FECH: variants seen among roughly 807,000 people sequenced by gnomAD.
The protein encoded by FECH is ferrochelatase.
A neutral mutation model predicts 56.9 loss-of-function variants in FECH; 40 were observed. That is an observed-to-expected ratio of 0.70 (90% CI 0.55 to 0.92). The LOEUF (loss-of-function observed/expected upper bound fraction) is 0.92, where lower values mean the gene tolerates loss of function less well. FECH is among the 40% of genes least tolerant of loss of function. The pLI is 0.00. For synonymous variants in FECH, 175 were observed against 198.6 expected, an observed-to-expected ratio of 0.88 and a Z score of 1.00; for missense variants, 431 against 529.1, an observed-to-expected ratio of 0.81 and a Z score of 1.82.
intron 1 of FECH, among the ~76,000 whole-genome samples, chr18:57,582,637 G>A (rs2051299524): frequency 6.6e-6 from 1 of 151,920 alleles, no homozygotes; most frequent in Non-Finnish European, 1.5e-5. Context: ...AGAAAGGCCG[G>A]GCGCGGTGGT....
At chr18:57,577,081 A>G (rs71355629) in intron 2 of FECH, among the ~76,000 whole-genome samples, 11,100 of 152,292 alleles carry the variant, frequency 0.073, 608 homozygotes, top group Non-Finnish European at 0.12. Flanking sequence ...GTCAATTAAT[A>G]AACAATAATT....
intron 5 of FECH, 88 bp downstream of exon 5, chr18:57,566,359 A>G: frequency 6.5e-7 from 1 of 1,538,116 alleles, no homozygotes. Context: ...AATTGCAAAT[A>G]ATTCATCCTT....
rs2050715622 is a variant in FECH, at chr18:57,546,000, T to C, written c.*4712A>G. On this transcript the variant is annotated 3_prime_UTR_variant, in exon 11 of 11. Coordinates refer to ENST00000262093, the MANE Select transcript of FECH (RefSeq NM_000140.5). Reference sequence around the variant, plus strand: ...GATCCCCCACAGATACTAAAAGTTATCCACACTCAGGTCTCCATTTTGCTA... The same window carrying C: ...GATCCCCCACAGATACTAAAAGTTACCCACACTCAGGTCTCCATTTTGCTA... Among the ~76,000 whole-genome samples the C allele has an allele frequency of 6.6e-6, 1 of 152,206 alleles. No individual in the cohort carries two copies. Among genetic ancestry groups the C allele is most frequent in the Non-Finnish European group, 1.5e-5 (1 of 68,040 alleles).
At position 57,560,004 on chromosome 18, in the gene FECH, C is replaced by T. The variant is rs8087915; in HGVS notation, c.706-761G>A. ...GAAATACCAGAACTGAAGGGGCTTT[C>T]TTTCGTCTTATACTTTAATCATTCT... On this transcript the variant is annotated intron_variant, in intron 6 of 10. Coordinates refer to ENST00000262093, the MANE Select transcript of FECH (RefSeq NM_000140.5). Among the ~76,000 whole-genome samples the T allele has an allele frequency of 7.4e-3, 1,121 of 152,284 alleles. 8 individuals carry two copies. Among genetic ancestry groups the T allele is most frequent in the African/African-American group, 0.024 (1,006 of 41,558 alleles).
intron 6 of FECH, among the ~76,000 whole-genome samples, chr18:57,560,519 C>T (rs1416011176): frequency 1.3e-5 from 2 of 152,190 alleles, no homozygotes; most frequent in East Asian, 1.9e-4. Context: ...GGTGTGATGG[C>T]ACCTGCCTGT....
At chr18:57,572,745 A>G (rs1309927250) in intron 3 of FECH, among the ~76,000 whole-genome samples, 1 of 152,064 alleles carries the variant, frequency 6.6e-6, no homozygotes, top group East Asian at 1.9e-4. Context: ...CTTGCCTTTT[A>G]CTGTAATTAC....
chr18:57,572,706 A>G (rs1247776763), intron 3 of FECH, among the ~76,000 whole-genome samples: 1 of 151,352 alleles, frequency 6.6e-6, no homozygotes, highest in African/African-American at 2.4e-5. Flanking sequence ...CTCCAGGTGG[A>G]TAACTGGGAG....
chr18:57,554,956 C>A lies in FECH; in HGVS notation c.805-4G>T, dbSNP rs766832982. ...ATGGGTCGCCTCTGTTGACCACCTG[C>A]AGCAGAGACACAATGGGTGTTCAGC... On this transcript the variant is annotated splice_polypyrimidine_tract_variant and splice_region_variant and intron_variant, in intron 7 of 10. Transcript: ENST00000262093. 2 of 1,612,344 alleles carry A rather than the reference C, an allele frequency of 1.2e-6. No individual in the cohort carries two copies. The highest frequency in any genetic ancestry group is 2.2e-5 in the South Asian group (2 of 91,036).
At chr18:57,556,907 T>C (rs1827246004) in intron 7 of FECH, among the ~76,000 whole-genome samples, 1 of 69,570 alleles carries the variant, frequency 1.4e-5, no homozygotes, top group South Asian at 6.7e-4. Flanking sequence ...TGAGACCCTG[T>C]CTCAAAAAAA....
At chr18:57,570,772 A>G (rs547440900) in intron 4 of FECH, among the ~76,000 whole-genome samples, 74 of 152,336 alleles carry the variant, frequency 4.9e-4, no homozygotes, top group African/African-American at 1.6e-3. Flanking sequence ...TGTGTTTAAT[A>G]CAGCATTTTT....
At chr18:57,569,201 CAT>C (rs535803049) in intron 4 of FECH, among the ~76,000 whole-genome samples, 1 of 152,240 alleles carries the variant, frequency 6.6e-6, no homozygotes. Flanking sequence ...CTTTCCATCA[CAT>C]GATTACACTT....
At chr18:57,583,945 G>A (rs966617178) in intron 1 of FECH, among the ~76,000 whole-genome samples, 4 of 152,200 alleles carry the variant, frequency 2.6e-5, no homozygotes, top group African/African-American at 9.7e-5. Context: ...ACTTTGGGAG[G>A]CCGAGGCGGG....
chr18:57,566,086 A>G (rs2051012223), intron 5 of FECH, among the ~76,000 whole-genome samples: 1 of 152,236 alleles, frequency 6.6e-6, no homozygotes, highest in South Asian at 2.1e-4. Flanking sequence ...GAACAGTTAC[A>G]ATCTTTGCTA....
intron 5 of FECH, among the ~76,000 whole-genome samples, chr18:57,565,552 C>T (rs1319436178): frequency 2.0e-5 from 3 of 146,836 alleles, no homozygotes; most frequent in African/African-American, 7.6e-5. Context: ...GTTGCAATGA[C>T]AGAGCAAGAT....
intron 1 of FECH, among the ~76,000 whole-genome samples, chr18:57,584,569 G>A (rs963476632): frequency 1.8e-4 from 28 of 152,032 alleles, no homozygotes; most frequent in African/African-American, 5.5e-4. Context: ...GGTGGGGGGC[G>A]AGATACACAA....
chr18:57,577,787 G>A (rs1042139035), intron 2 of FECH, among the ~76,000 whole-genome samples: 4 of 152,246 alleles, frequency 2.6e-5, no homozygotes, highest in African/African-American at 4.8e-5. Flanking sequence ...CTGGCTGGTC[G>A]CTCACACCTG....
intron 3 of FECH, 138 bp downstream of exon 3, chr18:57,573,108 T>C (rs183655515): frequency 1.3e-4 from 119 of 892,426 alleles, no homozygotes; most frequent in Middle Eastern, 2.6e-4. Flanking sequence ...CCTTCTGATA[T>C]CCAACAGAAA....
chr18:57,565,149 A>G (rs374176280), intron 5 of FECH, among the ~76,000 whole-genome samples: 1 of 152,228 alleles, frequency 6.6e-6, no homozygotes, highest in Non-Finnish European at 1.5e-5. Flanking sequence ...GTAAATAACA[A>G]TCTTCTTAAT....
In FECH at chr18:57,568,100, C is replaced by T. The variant is rs1214850920; in HGVS notation, c.464-1519G>A. The stretch of plus-strand genomic sequence containing the variant: ...AATACCATCAAATCCCTTGAAGCAA[C>T]TCTTGGTGATTTGAGCTGAGGTTTA... On this transcript the variant is annotated intron_variant, in intron 4 of 10. Coordinates refer to ENST00000262093, the MANE Select transcript of FECH (RefSeq NM_000140.5). Among the ~76,000 whole-genome samples the T allele has an allele frequency of 3.9e-5, 6 of 152,326 alleles. No homozygotes were observed. In the East Asian group the frequency reaches 1.2e-3, roughly 29 times the overall value.
Sources: gnomAD v4.1 joint callset for allele counts (sites outside exome capture counted in the v4.1 genomes callset) on GRCh38, gnomAD v4.1.1 for gene constraint, MANE v1.5 for transcripts, NCBI Gene and HGNC (gene_info 2026-07-23, HGNC 2026-07-21) for gene names.